CSMD1: variants seen among roughly 807,000 people sequenced by gnomAD.
CSMD1 encodes the protein CUB and sushi domain-containing protein 1.
Under a neutral mutation model 417.5 loss-of-function variants are expected in CSMD1, and 213 were observed. The ratio of observed to expected loss-of-function variants is 0.51; its 90% confidence interval spans 0.46 to 0.57. The LOEUF (loss-of-function observed/expected upper bound fraction) is 0.57. Among genes scored for constraint, CSMD1 ranks in the 20% least tolerant of loss-of-function variants. CSMD1 has a pLI of 0.00. For synonymous variants in CSMD1, 2,862 were observed against 1,736.8 expected (o/e 1.65, Z -16.11); for missense variants, 6,923 against 4,529.7 (o/e 1.53, Z -15.17).
chr8:4,445,977 C>T (rs928022163), intron 2 of CSMD1, among the ~76,000 whole-genome samples: 2 of 152,124 alleles, frequency 1.3e-5, no homozygotes, highest in African/African-American at 4.8e-5. Context: ...AGGATAGCAA[C>T]AATGTCAGTG....
intron 1 of CSMD1, among the ~76,000 whole-genome samples, chr8:4,717,310 CATAT>C (rs377764710): frequency 2.2e-5 from 3 of 137,132 alleles, no homozygotes; most frequent in East Asian, 4.6e-4. Flanking sequence ...TCTCTCTCTC[CATAT>C]ATATATATAT....
At chr8:4,715,840 G>T (rs1043483040) in intron 1 of CSMD1, among the ~76,000 whole-genome samples, 3 of 152,124 alleles carry the variant, frequency 2.0e-5, no homozygotes, top group African/African-American at 7.2e-5. Context: ...AACCAAAGTG[G>T]ACTTTGCTTG....
At chr8:4,158,746 A>C (rs1017403861) in intron 3 of CSMD1, among the ~76,000 whole-genome samples, 1 of 152,238 alleles carries the variant, frequency 6.6e-6, no homozygotes, top group African/African-American at 2.4e-5. Context: ...AACCACCATC[A>C]TCGTCACTTG....
At chr8:3,676,629 T>C (rs189274116) in intron 7 of CSMD1, among the ~76,000 whole-genome samples, 50 of 152,292 alleles carry the variant, frequency 3.3e-4, no homozygotes, top group African/African-American at 1.1e-3. Context: ...AGCTTGTGTG[T>C]TGTGGGACCA....
At chr8:3,375,567 T>C (rs1810256612) in intron 18 of CSMD1, among the ~76,000 whole-genome samples, 1 of 152,160 alleles carries the variant, frequency 6.6e-6, no homozygotes, top group African/African-American at 2.4e-5. Context: ...TATATTTTTA[T>C]GAATAAATAT....
chr8:3,146,465 T>C (rs191505471), intron 40 of CSMD1, among the ~76,000 whole-genome samples: 10 of 152,324 alleles, frequency 6.6e-5, no homozygotes, highest in Admixed American at 3.3e-4. Flanking sequence ...AATAGCCCTA[T>C]GGGACTGATA....
At chr8:4,490,146 T>C (rs1801629181) in intron 2 of CSMD1, among the ~76,000 whole-genome samples, 1 of 151,732 alleles carries the variant, frequency 6.6e-6, no homozygotes, top group African/African-American at 2.4e-5. Flanking sequence ...GTTCAAGTGA[T>C]TCTCCTGCTT....
At chr8:4,754,647 C>T (rs1209803939) in intron 1 of CSMD1, among the ~76,000 whole-genome samples, 1 of 151,368 alleles carries the variant, frequency 6.6e-6, no homozygotes, top group Non-Finnish European at 1.5e-5. Flanking sequence ...GTCAGGAGAT[C>T]GAGACAATCC....
chr8:4,379,768 C>A (rs942679494), intron 3 of CSMD1, among the ~76,000 whole-genome samples: 1 of 152,052 alleles, frequency 6.6e-6, no homozygotes, highest in Non-Finnish European at 1.5e-5. Flanking sequence ...CTATGGCCCA[C>A]ACTTTAGGTC....
At chr8:3,013,312 T>C (rs1476184515) in intron 52 of CSMD1, among the ~76,000 whole-genome samples, 3 of 152,196 alleles carry the variant, frequency 2.0e-5, no homozygotes, top group African/African-American at 7.2e-5. Context: ...ATGGTCTTCA[T>C]GCTGACTCTA....
At chr8:3,795,950 T>C (rs531539198) in intron 5 of CSMD1, among the ~76,000 whole-genome samples, 2 of 46,226 alleles carry the variant, frequency 4.3e-5, no homozygotes, top group Non-Finnish European at 4.1e-5. Flanking sequence ...TAGATATCTA[T>C]CATGTACAGA....
chr8:4,784,567 A>C (rs1019851131), intron 1 of CSMD1, among the ~76,000 whole-genome samples: 5 of 152,182 alleles, frequency 3.3e-5, no homozygotes, highest in Non-Finnish European at 5.9e-5. Context: ...TACCTGACAC[A>C]ATTTGTTTCC....
chr8:4,788,028 G>A (rs1797500689), intron 1 of CSMD1: 5 of 1,590,068 alleles, frequency 3.1e-6, no homozygotes, highest in Admixed American at 1.7e-5. Context: ...AGTAACTCCT[G>A]AAGGGCTCCA....
intron 1 of CSMD1, among the ~76,000 whole-genome samples, chr8:4,801,364 C>A (rs1365820203): frequency 6.6e-6 from 1 of 152,030 alleles, no homozygotes; most frequent in Non-Finnish European, 1.5e-5. Flanking sequence ...CTGCCAGAAC[C>A]CAGTACTGAG....
In CSMD1 at chr8:2,966,712, G is replaced by A. The variant is rs373386526; in HGVS notation, c.8958C>T (p.Asn2986=). ...VSCGNPGTPT[N]GMIVSSDGIL... ...TGCCATCACTACTGACAATCATTCC[G>A]TTGGTGGGTGTGCCAGGGTTGCCAC... Residue 2986 remains asparagine (N), a synonymous_variant, in exon 58 of 70, where the codon AAC becomes AAT. Coordinates refer to ENST00000635120, the MANE Select transcript of CSMD1 (RefSeq NM_033225.6). The A allele has an allele frequency of 2.3e-4, 371 of 1,613,670 alleles. 1 individual carries two copies. In the African/African-American group the frequency reaches 4.0e-3, roughly 17 times the overall value.
intron 2 of CSMD1, among the ~76,000 whole-genome samples, chr8:4,548,737 C>G (rs936243951): frequency 7.9e-5 from 12 of 152,064 alleles, no homozygotes; most frequent in African/African-American, 2.9e-4. Context: ...AAGGTAATTA[C>G]AGAACCGCTT....
intron 6 of CSMD1, among the ~76,000 whole-genome samples, chr8:3,752,859 T>C (rs912976839): frequency 6.6e-6 from 1 of 152,132 alleles, no homozygotes; most frequent in Non-Finnish European, 1.5e-5. Context: ...CTGACCCTTG[T>C]TTCTCTACTG....
At chr8:4,044,876 G>T (rs1798070818) in intron 3 of CSMD1, among the ~76,000 whole-genome samples, 2 of 152,226 alleles carry the variant, frequency 1.3e-5, no homozygotes, top group South Asian at 4.1e-4. Flanking sequence ...CCTGAACTTT[G>T]CAGCCCTCAG....
At chr8:4,400,891 C>G (rs1031659590) in intron 3 of CSMD1, among the ~76,000 whole-genome samples, 1 of 151,828 alleles carries the variant, frequency 6.6e-6, no homozygotes. Flanking sequence ...TACCAGGTGC[C>G]AATCTTTTGT....
Sources: gnomAD v4.1 joint callset for allele counts (sites outside exome capture counted in the v4.1 genomes callset) on GRCh38, gnomAD v4.1.1 for gene constraint, MANE v1.5 for transcripts, NCBI Gene and HGNC (gene_info 2026-07-23, HGNC 2026-07-21) for gene names.